Variants in FSTL4 observed in about 807,000 individuals in gnomAD.
The protein encoded by FSTL4 is follistatin-related protein 4.
A neutral mutation model predicts 78.2 loss-of-function variants in FSTL4; 28 were observed. That is an observed-to-expected ratio of 0.36 (90% CI 0.27 to 0.49). The LOEUF is 0.49. Among genes scored for constraint, FSTL4 ranks in the 20% least tolerant of loss-of-function variants. The probability of loss-of-function intolerance (pLI) is 0.98; values close to 1 mark genes in which losing one functional copy is unlikely to be tolerated. For synonymous variants in FSTL4, 422 were observed against 440.5 expected (o/e 0.96, Z 0.53); for missense variants, 922 against 1,084.9 (o/e 0.85, Z 2.11).
At chr5:133,293,484 A>G (rs1243150258) in intron 6 of FSTL4, among the ~76,000 whole-genome samples, 1 of 152,132 alleles carries the variant, frequency 6.6e-6, no homozygotes, top group Non-Finnish European at 1.5e-5. Flanking sequence ...TGTTCACCTC[A>G]ACCTGCATCC....
intron 4 of FSTL4, among the ~76,000 whole-genome samples, chr5:133,343,745 G>A (rs2126920458): frequency 6.6e-6 from 1 of 152,260 alleles, no homozygotes; most frequent in Non-Finnish European, 1.5e-5. Flanking sequence ...ATTCTGTATT[G>A]TCATTCTGTG....
intron 4 of FSTL4, among the ~76,000 whole-genome samples, chr5:133,336,648 ATCT>A (rs1167264591): frequency 1.3e-5 from 2 of 152,148 alleles, no homozygotes; most frequent in African/African-American, 4.8e-5. Context: ...GGGCCCCCAC[ATCT>A]TCTTCAACAC....
chr5:133,460,244 T>C (rs1463908571), intron 3 of FSTL4, among the ~76,000 whole-genome samples: 1 of 152,002 alleles, frequency 6.6e-6, no homozygotes, highest in East Asian at 1.9e-4. Flanking sequence ...TTTGTCCAAT[T>C]CTTTGTTCAA....
chr5:133,274,640 C>T (rs534091686), intron 6 of FSTL4, among the ~76,000 whole-genome samples: 69 of 152,186 alleles, frequency 4.5e-4, no homozygotes, highest in African/African-American at 1.3e-3. Flanking sequence ...GTGCTCAGAC[C>T]GCCCACGTGA....
chr5:133,311,012 G>A (rs1345190386), intron 6 of FSTL4, among the ~76,000 whole-genome samples: 1 of 152,144 alleles, frequency 6.6e-6, no homozygotes. Flanking sequence ...ATAACAACCG[G>A]CTCCCTAGAG....
the FSTL4 span, among the ~76,000 whole-genome samples, chr5:133,719,016 T>A: frequency 6.6e-6 from 1 of 152,218 alleles, no homozygotes; most frequent in Non-Finnish European, 1.5e-5. Context: ...AAAAATATTT[T>A]GGGGGGAAAA....
the FSTL4 span, among the ~76,000 whole-genome samples, chr5:133,805,049 C>A: frequency 2.0e-5 from 3 of 151,862 alleles, no homozygotes; most frequent in Non-Finnish European, 4.4e-5. Context: ...AACCCCACTG[C>A]CTCCTTGGTT....
intron 3 of FSTL4, among the ~76,000 whole-genome samples, chr5:133,452,891 G>T (rs1353709259): frequency 6.6e-6 from 1 of 152,328 alleles, no homozygotes; most frequent in East Asian, 1.9e-4. Flanking sequence ...TATTGCAGGC[G>T]CACTCTGTGC....
chr5:133,516,263 G>C (rs994364664), intron 3 of FSTL4, among the ~76,000 whole-genome samples: 1 of 152,020 alleles, frequency 6.6e-6, no homozygotes, highest in African/African-American at 2.4e-5. Context: ...ACATTGAAAA[G>C]AAGAGGAGAA....
intron 3 of FSTL4, among the ~76,000 whole-genome samples, chr5:133,466,569 A>G (rs1265785088): frequency 6.6e-6 from 1 of 152,050 alleles, no homozygotes; most frequent in Admixed American, 6.6e-5. Flanking sequence ...ACATTTACCA[A>G]TCCTCAGGGT....
At chr5:133,839,723 G>A in the FSTL4 span, among the ~76,000 whole-genome samples, 4 of 152,194 alleles carry the variant, frequency 2.6e-5, no homozygotes, top group Non-Finnish European at 4.4e-5. Context: ...ATGGCTGAGC[G>A]CCCCTTTGCT....
the FSTL4 span, among the ~76,000 whole-genome samples, chr5:133,713,401 T>C: frequency 6.6e-6 from 1 of 152,250 alleles, no homozygotes; most frequent in East Asian, 1.9e-4. Context: ...GCCCTAAGGC[T>C]GCCAGGCTAC....
At chr5:133,460,629 C>T (rs997145595) in intron 3 of FSTL4, among the ~76,000 whole-genome samples, 3 of 152,150 alleles carry the variant, frequency 2.0e-5, no homozygotes, top group Non-Finnish European at 4.4e-5. Context: ...TCCAGTGGGG[C>T]CCAACGCTAC....
At chr5:133,392,157 C>T (rs1755865192) in intron 4 of FSTL4, among the ~76,000 whole-genome samples, 1 of 152,080 alleles carries the variant, frequency 6.6e-6, no homozygotes, top group African/African-American at 2.4e-5. Context: ...AGCTAGGAGG[C>T]CATAGAGGTC....
At chr5:133,259,562 A>C (rs1361729244) in intron 6 of FSTL4, among the ~76,000 whole-genome samples, 1 of 134,066 alleles carries the variant, frequency 7.5e-6, no homozygotes, top group Non-Finnish European at 1.5e-5. Flanking sequence ...TCTGTCACCC[A>C]GGCTGGAGTG....
At chr5:133,716,293 A>G in the FSTL4 span, among the ~76,000 whole-genome samples, 22 of 152,158 alleles carry the variant, frequency 1.4e-4, no homozygotes, top group African/African-American at 5.1e-4. Flanking sequence ...ACCATCAGGA[A>G]GAGTAGTGTT....
chr5:133,232,723 A>G (rs933117240), intron 8 of FSTL4, among the ~76,000 whole-genome samples: 1 of 152,312 alleles, frequency 6.6e-6, no homozygotes, highest in South Asian at 2.1e-4. Context: ...TTAGCAAATC[A>G]TCCATGAACT....
At chr5:133,336,137 C>T (rs562629654) in intron 4 of FSTL4, among the ~76,000 whole-genome samples, 2 of 152,366 alleles carry the variant, frequency 1.3e-5, no homozygotes, top group African/African-American at 4.8e-5. Context: ...ACCATAACCA[C>T]GGGACAGCAG....
chr5:133,608,847 T>C (rs1273264307), intron 1 of FSTL4, among the ~76,000 whole-genome samples: 1 of 152,200 alleles, frequency 6.6e-6, no homozygotes, highest in Non-Finnish European at 1.5e-5. Flanking sequence ...TAGGTATTCA[T>C]ATGAAAATAC....
Sources: allele counts gnomAD v4.1 joint callset (sites outside exome capture counted in the v4.1 genomes callset), GRCh38; gene constraint gnomAD v4.1.1; transcripts MANE v1.5; gene names NCBI Gene and HGNC (gene_info 2026-07-23, HGNC 2026-07-21).